Variants in WAS observed in about 807,000 individuals in gnomAD.
WAS encodes the protein WASP actin nucleation promoting factor, also known as actin nucleation-promoting factor WAS.
A neutral mutation model predicts 38.9 loss-of-function variants in WAS; 1 was observed. That is an observed-to-expected ratio of 0.03 (90% CI 0.01 to 0.12). The LOEUF is 0.12. WAS is among the 10% of genes least tolerant of loss of function. The pLI is 1.00. For synonymous variants in WAS, 182 were observed against 173.6 expected, an observed-to-expected ratio of 1.05 and a Z score of -0.38; for missense variants, 311 against 431.2, an observed-to-expected ratio of 0.72 and a Z score of 2.47.
In WAS at chrX:48,684,957, C is replaced by T. The variant is rs138904063; in HGVS notation, c.273+534C>T. ...TAGTTCTTAAGCAAAAAGTCTTTTC[C>T]ACAATCCCCTGACCTGAACTTTCTA... On this transcript the variant is annotated intron_variant, in intron 2 of 11. Transcript: ENST00000376701. Among the ~76,000 whole-genome samples, 610 of 111,303 alleles carry T rather than the reference C, an allele frequency of 5.5e-3. 18 individuals carry two copies. Among genetic ancestry groups the T allele is most frequent in the Admixed American group, 0.055 (568 of 10,372 alleles).
intron 7 of WAS, among the ~76,000 whole-genome samples, 158 bp from the exon 8 acceptor site, chrX:48,687,896 T>C (rs782024423): frequency 2.9e-4 from 32 of 111,963 alleles, no homozygotes; most frequent in Middle Eastern, 4.6e-3. Context: ...CCCTTCTAAT[T>C]CCATAACTCC....
chrX:48,688,674 C>A lies in WAS; in HGVS notation c.946C>A (p.Pro316Thr), dbSNP rs372779500. ...EMRRQEPLPP[P>T]PPPSRGGNQL... is the part of the protein sequence containing the mutation. ...CCCCTCCACAGAGCCACTTCCGCCG[C>A]CCCCACCGCCATCTCGAGGAGGGAA... is the stretch of plus-strand genomic sequence containing the variant. Residue 316 changes from proline (P) to threonine (T), a missense_variant, in exon 10 of 12, where the codon CCC becomes ACC. This residue lies in a region of WAS where 74 missense variants were observed against 131.2 expected (regional missense o/e 0.56). Transcript: ENST00000376701. 6.6e-6 allele frequency: 8 copies of A among 1,203,083 alleles called. No homozygotes were observed. Among genetic ancestry groups the A allele is most frequent in the Non-Finnish European group, 9.0e-6 (8 of 890,279 alleles).
intron 11 of WAS, among the ~76,000 whole-genome samples, chrX:48,690,110 G>A (rs782533836): frequency 4.5e-5 from 5 of 111,073 alleles, no homozygotes; most frequent in East Asian, 2.8e-4. Context: ...TCATTATGAC[G>A]TAACCTAATC....
chrX:48,684,616 C>T (rs914778308), intron 2 of WAS, among the ~76,000 whole-genome samples, 193 bp downstream of exon 2: 25 of 111,776 alleles, frequency 2.2e-4, no homozygotes, highest in African/African-American at 7.5e-4. Context: ...CCCCAGTCTC[C>T]GTATCAAGAT....
Position 48,685,997 on chromosome X carries a change from C to A in WAS, c.505+10C>A. 1 of 1,209,893 alleles carries A rather than the reference C, an allele frequency of 8.3e-7. No homozygotes were observed. The highest frequency in any genetic ancestry group is 3.0e-5 in the East Asian group (1 of 33,774). On this transcript the variant is annotated intron_variant, in intron 5 of 11. Transcript: ENST00000376701. ...ACACCAGCCAATGAAGGTGAGTCCT[C>A]TAGTGCAAGTAGGGGTAATAAGGGG...
upstream of WAS, among the ~76,000 whole-genome samples, chrX:48,679,987 C>T (rs988271728): frequency 1.8e-5 from 2 of 111,621 alleles, no homozygotes; most frequent in East Asian, 2.8e-4. Flanking sequence ...TGGTGAACCA[C>T]GAAGGGATGA....
Position 48,691,266 on chromosome X carries a change from C to T in WAS, c.*104C>T. 1.2e-6 allele frequency: 1 copy of T among 821,153 alleles called. No homozygotes were observed. The highest frequency in any genetic ancestry group is 1.8e-6 in the Non-Finnish European group (1 of 556,242). The allele number at this position is 821,153 out of a possible 1,213,427, so 67.7% of individuals were successfully genotyped here. On this transcript the variant is annotated 3_prime_UTR_variant, in exon 12 of 12. Transcript: ENST00000376701. ...ACTCTCCTCTTCCAGGCCCCCAACC[C>T]CCCATTTCTTCCCCACCAACCCCTC...
Position 48,683,991 on chromosome X carries a change from C to A in WAS, c.132+6C>A. The stretch of plus-strand genomic sequence containing the variant: ...TGCTTGGACGAAAATGCTTGGTGAG[C>A]TGGGGATCTCCTGCCCCCGCCCCGT... On this transcript the variant is annotated splice_donor_region_variant and intron_variant, in intron 1 of 11. Coordinates refer to ENST00000376701, the MANE Select transcript of WAS (RefSeq NM_000377.3). The A allele has an allele frequency of 8.3e-7, 1 of 1,211,246 alleles. No homozygotes were observed. Among genetic ancestry groups the A allele is most frequent in the Non-Finnish European group, 1.1e-6 (1 of 895,308 alleles).
chrX:48,684,118 A>C (rs998094774), intron 1 of WAS, 133 bp downstream of exon 1: 107 of 1,087,384 alleles, frequency 9.8e-5, no homozygotes, highest in Non-Finnish European at 1.3e-4. Context: ...TTCCCGTCAT[A>C]ATCCACCCTT....
At chrX:48,682,449 A>G (rs1423011162), upstream of WAS, among the ~76,000 whole-genome samples, 5 of 112,327 alleles carry the variant, frequency 4.5e-5, no homozygotes, top group African/African-American at 1.3e-4. Context: ...CACACACGTT[A>G]AGTGCTATGT....
chrX:48,688,782 C>A lies in WAS; in HGVS notation c.1054C>A (p.Pro352Thr). 8.8e-7 allele frequency: 1 copy of A among 1,133,391 alleles called. No individual in the cohort carries two copies. Among genetic ancestry groups the A allele is most frequent in the African/African-American group, 1.8e-5 (1 of 55,495 alleles). 93.4% of individuals were successfully genotyped at this position (1,133,391 alleles called of 1,213,427 possible). A position where few individuals can be genotyped will look rare whatever the true frequency, so the allele number is the denominator to read the frequency against. The change falls in exon 10 of 12, where the codon CCC becomes ACC. Residue 352 changes from proline to threonine, a missense_variant. Pro to Thr is a conservative substitution (Grantham distance 38, BLOSUM62 -1). Coordinates refer to ENST00000376701, the MANE Select transcript of WAS (RefSeq NM_000377.3). ...CCCTGTACCTTTGGGGATTGCCCCACCCCCACCAACACCCCGGGGACCCCC... is the reference window on the plus strand; with the variant it reads ...CCCTGTACCTTTGGGGATTGCCCCAACCCCACCAACACCCCGGGGACCCCC... ...LPPVPLGIAP[P>T]PPTPRGPPPP... is the part of the protein sequence containing the mutation.
At position 48,678,238 on chromosome X, in the gene WAS, G is replaced by A. The variant is rs782777257; in HGVS notation, c.-131+1490G>A. ...GGAAGCAACCCTCAGTCAGGGATACGGAGGACCATGAAGATAGTACGGTGA... is the reference window on the plus strand; with the variant it reads ...GGAAGCAACCCTCAGTCAGGGATACAGAGGACCATGAAGATAGTACGGTGA... On this transcript the variant is annotated intron_variant, in intron 1 of 8. Coordinates refer to the WAS transcript ENST00000450772. Among the ~76,000 whole-genome samples, 3 of 111,923 alleles carry A rather than the reference G, an allele frequency of 2.7e-5. No homozygotes were observed. The South Asian group carries it at 1.1e-3, about 42-fold the overall frequency.
At chrX:48,685,463 C>A in intron 2 of WAS, 84 bp from the exon 3 acceptor site, 1 of 713,733 alleles carries the variant, frequency 1.4e-6, no homozygotes, top group South Asian at 2.3e-5. Context: ...AATCCAGACA[C>A]CCTGCTCCCT....
intron 6 of WAS, among the ~76,000 whole-genome samples, chrX:48,686,354 G>A (rs1055530160): frequency 9.0e-6 from 1 of 111,669 alleles, no homozygotes; most frequent in Non-Finnish European, 1.9e-5. Flanking sequence ...GAAAGTCTAA[G>A]TAGATAGATG....
chrX:48,677,429 A>G (rs782619614), intron 1 of WAS, among the ~76,000 whole-genome samples: 1 of 111,799 alleles, frequency 8.9e-6, no homozygotes, highest in East Asian at 2.8e-4. Context: ...ACAGTAATGA[A>G]TAATTATAAC....
chrX:48,689,322 C>T lies in WAS; in HGVS notation c.1341C>T (p.Thr447=), dbSNP rs1201066951. The T allele has an allele frequency of 8.3e-7, 1 of 1,198,754 alleles. No individual in the cohort carries two copies. The highest frequency in any genetic ancestry group is 3.0e-5 in the East Asian group (1 of 33,424). Residue 447 remains threonine (T), a splice_region_variant and synonymous_variant, in exon 11 of 12, where the codon ACC becomes ACT. Transcript: ENST00000376701. ...GTGCTGATCCCTGCCTGCTGCAGAC[C>T]CCTGGGGCCCCAGAGAGCTCAGCGC... The part of the protein sequence containing the change: ...QIRQGIQLNK[T]PGAPESSALQ...
Position 48,685,611 on chromosome X carries a change from T to C in WAS, c.338T>C (p.Phe113Ser). ...CTTGTCTACTCCACCCCCACCCCCT[T>C]CTTCCACACCTTCGCTGGAGATGTA... Reference protein sequence around the residue: ...SQLVYSTPTPFFHTFAGDDCQ... With the variant: ...SQLVYSTPTPSFHTFAGDDCQ... Residue 113 changes from phenylalanine to serine, a missense_variant, in exon 3 of 12, where the codon TTC (phenylalanine) becomes TCC (serine). Transcript: ENST00000376701. The C allele has an allele frequency of 8.3e-7, 1 of 1,201,607 alleles. No homozygotes were observed. Among genetic ancestry groups the C allele is most frequent in the Non-Finnish European group, 1.1e-6 (1 of 890,467 alleles).
upstream of WAS, among the ~76,000 whole-genome samples, chrX:48,681,589 A>G (rs1320314317): frequency 8.9e-6 from 1 of 112,719 alleles, no homozygotes; most frequent in Non-Finnish European, 1.9e-5. Context: ...CCTTCATTCA[A>G]TGCTTCAATA....
At chrX:48,686,636 T>C (rs782566749) in intron 6 of WAS, 145 bp from the exon 7 acceptor site, 10 of 619,544 alleles carry the variant, frequency 1.6e-5, no homozygotes, top group Middle Eastern at 5.2e-4. Context: ...CACTTCTCCA[T>C]AGACCCTACT....
Sources: allele counts gnomAD v4.1 joint callset (sites outside exome capture counted in the v4.1 genomes callset), GRCh38; gene constraint gnomAD v4.1.1; regional missense constraint gnomAD v4.1.1; transcripts MANE v1.5; gene names NCBI Gene and HGNC (gene_info 2026-07-23, HGNC 2026-07-21).